GALNTL6: variants seen among roughly 807,000 people sequenced by gnomAD.
GALNTL6 encodes the protein polypeptide N-acetylgalactosaminyltransferase-like 6.
A neutral mutation model predicts 73.7 loss-of-function variants in GALNTL6; 46 were observed. The ratio of observed to expected loss-of-function variants is 0.62; its 90% CI spans 0.49 to 0.80. GALNTL6 has a LOEUF of 0.80. Among genes scored for constraint, GALNTL6 ranks in the 30% least tolerant of loss-of-function variants. GALNTL6 has a pLI of 0.00. For synonymous variants in GALNTL6, 259 were observed against 263.7 expected, an observed-to-expected ratio of 0.98 and a Z score of 0.17; for missense variants, 604 against 755.0, an observed-to-expected ratio of 0.80 and a Z score of 2.34.
chr4:172,887,797 C>T (rs1745811306), intron 8 of GALNTL6, among the ~76,000 whole-genome samples: 1 of 152,130 alleles, frequency 6.6e-6, no homozygotes, highest in Admixed American at 6.5e-5. Flanking sequence ...CTCCTGACCA[C>T]AGGTGATCTG....
At chr4:172,850,722 A>G (rs1004109050) in intron 7 of GALNTL6, among the ~76,000 whole-genome samples, 2 of 152,174 alleles carry the variant, frequency 1.3e-5, no homozygotes, top group African/African-American at 4.8e-5. Context: ...ACTTCCTACT[A>G]GCCAGCAATA....
At chr4:172,313,534 A>T (rs1272527963) in intron 4 of GALNTL6, among the ~76,000 whole-genome samples, 1 of 152,220 alleles carries the variant, frequency 6.6e-6, no homozygotes, top group Non-Finnish European at 1.5e-5. Context: ...AGTTATTCCC[A>T]TTCTTCTCAA....
intron 2 of GALNTL6, among the ~76,000 whole-genome samples, chr4:171,823,565 A>G (rs1734738289): frequency 8.9e-6 from 1 of 112,222 alleles, no homozygotes; most frequent in South Asian, 2.8e-4. Flanking sequence ...GAATATATAT[A>G]TATGTATATA....
intron 2 of GALNTL6, among the ~76,000 whole-genome samples, chr4:172,095,933 T>A (rs1732339571): frequency 6.6e-6 from 1 of 151,946 alleles, no homozygotes; most frequent in Non-Finnish European, 1.5e-5. Flanking sequence ...ATTGGGAAAT[T>A]TTAGATTTTA....
intron 10 of GALNTL6, among the ~76,000 whole-genome samples, chr4:172,973,697 TAGTA>T (rs969590980): frequency 9.9e-5 from 15 of 152,198 alleles, no homozygotes; most frequent in African/African-American, 2.2e-4. Context: ...TACTGGATGA[TAGTA>T]AGTATTAAGT....
chr4:172,914,572 A>G (rs1465275646), intron 8 of GALNTL6, among the ~76,000 whole-genome samples: 1 of 152,240 alleles, frequency 6.6e-6, no homozygotes, highest in African/African-American at 2.4e-5. Context: ...AGCAAATGGA[A>G]AACAAAAAAA....
chr4:173,006,970 A>T (rs1047900524), intron 10 of GALNTL6, among the ~76,000 whole-genome samples: 5 of 152,182 alleles, frequency 3.3e-5, no homozygotes, highest in Non-Finnish European at 7.4e-5. Context: ...GAGATCCTGA[A>T]AGCAGAGCCC....
rs1443940404 is a variant in GALNTL6, at chr4:172,994,666, C to T, written c.1372-14512C>T. On this transcript the variant is annotated intron_variant, in intron 10 of 12. Transcript: ENST00000506823. ...GACATTCGCAATAGATAACCCAGAC[C>T]GTGAATTATTTTACCTGAAAATAAA... is the stretch of plus-strand genomic sequence containing the variant. Among the ~76,000 whole-genome samples the T allele has an allele frequency of 2.6e-5, 4 of 152,106 alleles. No homozygotes were observed. In the East Asian group the frequency reaches 5.8e-4, roughly 22 times the overall value.
intron 2 of GALNTL6, among the ~76,000 whole-genome samples, chr4:171,961,703 C>T (rs928386496): frequency 2.0e-5 from 3 of 152,136 alleles, no homozygotes; most frequent in South Asian, 2.1e-4. Context: ...TTTAGGCTAA[C>T]GTGCTTATTC....
chr4:172,044,427 G>A (rs1742165705), intron 2 of GALNTL6, among the ~76,000 whole-genome samples: 2 of 151,804 alleles, frequency 1.3e-5, no homozygotes, highest in African/African-American at 4.8e-5. Flanking sequence ...AGCATGTAGT[G>A]AGAAGCATTA....
At chr4:171,977,161 A>G (rs1445914196) in intron 2 of GALNTL6, among the ~76,000 whole-genome samples, 1 of 152,198 alleles carries the variant, frequency 6.6e-6, no homozygotes, top group Non-Finnish European at 1.5e-5. Flanking sequence ...TCATGTTTTC[A>G]TATATTAATT....
intron 5 of GALNTL6, among the ~76,000 whole-genome samples, chr4:172,397,446 C>A (rs1326224760): frequency 6.6e-6 from 1 of 152,012 alleles, no homozygotes; most frequent in Non-Finnish European, 1.5e-5. Context: ...CGTTCAAGGA[C>A]CTTTTGAGTT....
intron 5 of GALNTL6, among the ~76,000 whole-genome samples, chr4:172,597,068 A>T (rs976993141): frequency 1.1e-4 from 17 of 152,238 alleles, no homozygotes; most frequent in Non-Finnish European, 2.4e-4. Flanking sequence ...AATTGGTTAC[A>T]TAAATCCTAT....
At chr4:172,045,372 A>G (rs1742187101) in intron 2 of GALNTL6, among the ~76,000 whole-genome samples, 1 of 152,074 alleles carries the variant, frequency 6.6e-6, no homozygotes, top group South Asian at 2.1e-4. Flanking sequence ...GCAGTGTTTG[A>G]GAATTTATAT....
At chr4:172,933,550 C>T (rs1259785327) in intron 9 of GALNTL6, among the ~76,000 whole-genome samples, 1 of 151,884 alleles carries the variant, frequency 6.6e-6, no homozygotes, top group Non-Finnish European at 1.5e-5. Context: ...CTTCAGAGCT[C>T]ATTTTTATTT....
chr4:172,419,717 TGTG>T (rs1368759262), intron 5 of GALNTL6, among the ~76,000 whole-genome samples: 1 of 152,174 alleles, frequency 6.6e-6, no homozygotes, highest in East Asian at 1.9e-4. Flanking sequence ...CTGTAAAGGA[TGTG>T]GTGAGAGTTT....
chr4:172,873,103 G>A (rs984990676), intron 7 of GALNTL6, among the ~76,000 whole-genome samples: 1 of 152,208 alleles, frequency 6.6e-6, no homozygotes, highest in East Asian at 1.9e-4. Context: ...ATTAACCCAA[G>A]ATTCATAAAC....
Position 171,814,528 on chromosome 4 carries a change from G to C in GALNTL6, c.-53G>C, listed in dbSNP as rs1391295036. ...GAAAGGAATTTGACATTAAACACAA[G>C]AAGCAGTCAGGGAGCCATCTCCTTT... is the stretch of plus-strand genomic sequence containing the variant. On this transcript the variant is annotated 5_prime_UTR_variant, in exon 2 of 13. Transcript: ENST00000506823. 24 of 1,594,724 alleles carry C rather than the reference G, an allele frequency of 1.5e-5. No individual in the cohort carries two copies. Among genetic ancestry groups the C allele is most frequent in the Non-Finnish European group, 2.1e-5 (24 of 1,166,528 alleles).
chr4:171,836,813 A>T (rs980072807), intron 2 of GALNTL6, among the ~76,000 whole-genome samples: 1 of 152,270 alleles, frequency 6.6e-6, no homozygotes, highest in Admixed American at 6.5e-5. Flanking sequence ...AAATAGATCA[A>T]ATAAGTAAAT....
Sources: gnomAD v4.1 joint callset for allele counts (sites outside exome capture counted in the v4.1 genomes callset) on GRCh38, gnomAD v4.1.1 for gene constraint, MANE v1.5 for transcripts, NCBI Gene and HGNC (gene_info 2026-07-23, HGNC 2026-07-21) for gene names.